Variants in RPS24 observed in about 807,000 individuals in gnomAD.
RPS24 encodes the protein ribosomal protein S24.
For synonymous variants in RPS24, 72 were observed against 55.6 expected, an observed-to-expected ratio of 1.30 and a Z score of -1.31; for missense variants, 100 against 162.5, an observed-to-expected ratio of 0.62 and a Z score of 2.09.
intron 1 of RPS24, 114 bp from the exon 2 acceptor site, chr10:78,035,238 C>G (rs976628026): frequency 1.9e-6 from 2 of 1,040,776 alleles, no homozygotes; most frequent in African/African-American, 3.2e-5. Context: ...TACTTTAGTT[C>G]GCTACATGAC....
rs548938023 is a variant in RPS24 at position 78,035,033 on chromosome 10, C to T, written c.4-319C>T. On this transcript the variant is annotated intron_variant, in intron 1 of 5. Coordinates refer to ENST00000372360, the MANE Select transcript of RPS24 (RefSeq NM_033022.4). ...TAGTTATTCTAAAACATACAGTCCC[C>T]ACAACATATCCATATGGAATTATCC... 5.3e-5 allele frequency among the ~76,000 whole-genome samples: 8 copies of T among 152,220 alleles called. No individual in the cohort carries two copies. In the East Asian group the frequency reaches 1.5e-3, roughly 29 times the overall value.
chr10:78,040,227 T>C lies in RPS24; in HGVS notation c.*19+2T>C. 6.2e-7 allele frequency: 1 copy of C among 1,613,348 alleles called. No homozygotes were observed. Among genetic ancestry groups the C allele is most frequent in the South Asian group, 1.1e-5 (1 of 91,066 alleles). On this transcript the variant is annotated splice_donor_variant, in intron 5 of 5. Transcript: ENST00000372360. LOFTEE classifies it low-confidence loss of function (3UTR_SPLICE). ...AGTGAGCTGGAGATTGGATCACAGG[T>C]ATAATTCAAGCTTTTCATGTAGTCA...
intron 4 of RPS24, among the ~76,000 whole-genome samples, chr10:78,047,566 G>C (rs551169677): frequency 6.6e-6 from 1 of 152,134 alleles, no homozygotes; most frequent in East Asian, 1.9e-4. Context: ...CAACTGGAGA[G>C]GTCACTCTTT....
chr10:78,052,506 G>A (rs1848109131), intron 4 of RPS24, among the ~76,000 whole-genome samples: 1 of 152,194 alleles, frequency 6.6e-6, no homozygotes, highest in African/African-American at 2.4e-5. Context: ...CCATTTCATA[G>A]TGTGATGAGG....
rs1468676211 is a variant in RPS24, at chr10:78,035,497, A to G, written c.70-14A>G. On this transcript the variant is annotated splice_polypyrimidine_tract_variant and intron_variant, in intron 2 of 5. Transcript: ENST00000372360. The stretch of plus-strand genomic sequence containing the variant: ...TTTATCATACTGAATGCTAAACTTG[A>G]TATCTCCTTTTAGGTCATTGATGTC... 5.6e-6 allele frequency: 9 copies of G among 1,613,762 alleles called. No individual in the cohort carries two copies. Among genetic ancestry groups the G allele is most frequent in the Middle Eastern group, 1.6e-4 (1 of 6,084 alleles).
In RPS24 at chr10:78,054,989, C is replaced by T. The variant is rs76653255; in HGVS notation, c.849C>T (p.Cys283=). ...CCAGCTGCTTCTCCCCACCTTCCTG[C>T]CTCTCTGGTCTGGGCCACTAATGTC... is the stretch of plus-strand genomic sequence containing the variant. The change falls in exon 5 of 5, where the codon TGC becomes TGT. Residue 283 remains cysteine, a synonymous_variant. Coordinates refer to the RPS24 transcript ENST00000440692. The T allele has an allele frequency of 0.011, 16,520 of 1,476,170 alleles. 1,488 individuals are homozygous for T. The African/African-American group carries it at 0.2, about 18-fold the overall frequency. 91.4% of individuals were successfully genotyped at this position (1,476,170 alleles called of 1,614,324 possible).
intron 4 of RPS24, chr10:78,037,760 C>T: frequency 2.8e-6 from 1 of 362,476 alleles, no homozygotes; most frequent in Non-Finnish European, 5.1e-6. Context: ...GCTTTCCTCT[C>T]CAGTTGGCCA....
chr10:78,044,487 AAT>A (rs1330484728), downstream of RPS24, among the ~76,000 whole-genome samples: 5 of 152,144 alleles, frequency 3.3e-5, no homozygotes, highest in African/African-American at 9.7e-5. Context: ...CCATTTCAAA[AAT>A]AGTCTTCAGG....
chr10:78,041,266 A>AAGG (rs1847982929), downstream of RPS24, among the ~76,000 whole-genome samples: 1 of 152,180 alleles, frequency 6.6e-6, no homozygotes, highest in Non-Finnish European at 1.5e-5. Flanking sequence ...AGGTTGCAGG[A>AAGG]AGGAAGGGTA....
At chr10:78,042,154 C>A (rs182411808), downstream of RPS24, among the ~76,000 whole-genome samples, 3 of 152,306 alleles carry the variant, frequency 2.0e-5, no homozygotes, top group East Asian at 5.8e-4. Context: ...CAGTAGTAGC[C>A]CACCTTCCTG....
Position 78,037,902 on chromosome 10 carries a change from CTTTTTTTT to C in RPS24, c.390+614_390+621del, listed in dbSNP as rs55902139. 6.6e-5 allele frequency: 25 copies of C among 379,848 alleles called. 1 individual carries two copies. The highest frequency in any genetic ancestry group is 4.2e-4 in the Middle Eastern group (1 of 2,370). The allele number at this position is 379,848 out of a possible 1,614,324, so 23.5% of individuals were successfully genotyped here. A position where few individuals can be genotyped will look rare whatever the true frequency, so the allele number is the denominator to read the frequency against. ...AACAAATAATCAAGTGTTCTGTGAA[CTTTTTTTT>C]TTTTTTTTTTTTTTTGCTTTTCCTC... On this transcript the variant is annotated intron_variant, in intron 4 of 5. Transcript: ENST00000372360.
chr10:78,048,010 T>A (rs117808630), intron 4 of RPS24, among the ~76,000 whole-genome samples: 2,663 of 152,114 alleles, frequency 0.018, 31 homozygotes, highest in Middle Eastern at 0.031. Context: ...GATGAGAGAG[T>A]GGTGCTGAGA....
chr10:78,035,590 C>G lies in RPS24; in HGVS notation c.149C>G (p.Thr50Ser), dbSNP rs1369236514. 6.2e-7 allele frequency: 1 copy of G among 1,613,714 alleles called. No individual in the cohort carries two copies. Among genetic ancestry groups the G allele is most frequent in the Non-Finnish European group, 8.5e-7 (1 of 1,180,012 alleles). Residue 50 changes from threonine (T) to serine (S), a missense_variant, in exon 3 of 6, where the codon ACC becomes AGC. Coordinates refer to ENST00000372360, the MANE Select transcript of RPS24 (RefSeq NM_033022.4). Reference sequence around the variant, plus strand: ...GAAAAACTAGCCAAAATGTACAAGACCACACCGGATGTCATCTTTGTATTT... The same window carrying G: ...GAAAAACTAGCCAAAATGTACAAGAGCACACCGGATGTCATCTTTGTATTT... ...IREKLAKMYKTTPDVIFVFGF... is the reference protein window; with the variant it reads ...IREKLAKMYKSTPDVIFVFGF...
downstream of RPS24, among the ~76,000 whole-genome samples, chr10:78,044,085 T>C (rs1848016943): frequency 6.6e-6 from 1 of 151,436 alleles, no homozygotes; most frequent in Admixed American, 6.5e-5. Context: ...CCCTAAATTA[T>C]GAACTTTAAT....
intron 4 of RPS24, among the ~76,000 whole-genome samples, chr10:78,048,745 T>G (rs1848069772): frequency 6.6e-6 from 1 of 151,980 alleles, no homozygotes; most frequent in Non-Finnish European, 1.5e-5. Flanking sequence ...CATGGGGGCA[T>G]GCACCTGTGG....
In RPS24 at chr10:78,035,777, T is replaced by C. The variant is rs981031390; in HGVS notation, c.279+57T>C. On this transcript the variant is annotated intron_variant, in intron 3 of 5. Transcript: ENST00000372360. Reference sequence around the variant, plus strand: ...TGAAGACCTATTTTTTCAATAGCGTTGTGTTGTGAGTGTGGTAAAAAGGGC... The same window carrying C: ...TGAAGACCTATTTTTTCAATAGCGTCGTGTTGTGAGTGTGGTAAAAAGGGC... 1.5e-5 allele frequency: 21 copies of C among 1,420,942 alleles called. No homozygotes were observed. The African/African-American group carries it at 2.8e-4, about 19-fold the overall frequency. 88.0% of individuals were successfully genotyped at this position (1,420,942 alleles called of 1,614,324 possible).
chr10:78,053,322 T>C (rs1848118851), intron 4 of RPS24, among the ~76,000 whole-genome samples: 2 of 151,974 alleles, frequency 1.3e-5, no homozygotes. Flanking sequence ...TTGTAGAAGC[T>C]CTTTGGGTTC....
At chr10:78,046,317 C>T (rs1272236993) in intron 4 of RPS24, among the ~76,000 whole-genome samples, 1 of 149,468 alleles carries the variant, frequency 6.7e-6, no homozygotes, top group Non-Finnish European at 1.5e-5. Flanking sequence ...AGGTACTGAG[C>T]TAAGTCTTGC....
At chr10:78,047,402 C>T (rs1848056202) in intron 4 of RPS24, among the ~76,000 whole-genome samples, 2 of 152,142 alleles carry the variant, frequency 1.3e-5, no homozygotes, top group Non-Finnish European at 2.9e-5. Context: ...TGTAGACTGC[C>T]CCATCCCTGC....
Sources: gnomAD v4.1 joint callset for allele counts (sites outside exome capture counted in the v4.1 genomes callset) on GRCh38, gnomAD v4.1.1 for gene constraint, MANE v1.5 for transcripts, NCBI Gene and HGNC (gene_info 2026-07-23, HGNC 2026-07-21) for gene names.